Variants in RGS9 observed in about 807,000 individuals in gnomAD.
RGS9 encodes the protein regulator of G protein signaling 9.
RGS9 carries 78 observed loss-of-function variants against 102.0 expected under a neutral mutation model. The observed-to-expected ratio is 0.76, with a 90% CI of 0.64 to 0.92. The LOEUF (loss-of-function observed/expected upper bound fraction) is 0.92, where lower values mean the gene tolerates loss of function less well. Among genes scored for constraint, RGS9 ranks in the 40% least tolerant of loss-of-function variants. RGS9 has a pLI of 0.00. For missense variants in RGS9, 833 were observed against 866.1 expected (o/e 0.96, Z 0.48); for synonymous variants, 353 against 318.6 (o/e 1.11, Z -1.15).
intron 2 of RGS9, 59 bp downstream of exon 2, chr17:65,153,577 C>T (rs936678421): frequency 7.5e-7 from 1 of 1,331,800 alleles, no homozygotes; most frequent in South Asian, 1.2e-5. Flanking sequence ...CCAATACGGC[C>T]CACCTCCTGT....
At position 65,145,566 on chromosome 17, in the gene RGS9, A is replaced by ATTTT. The variant is rs1567858058; in HGVS notation, c.58-7855_58-7854insTTTT. The stretch of plus-strand genomic sequence containing the variant: ...CTCCTGGCTATTTTTTTTTTTTTTA[A>ATTTT]TATATTTTTAATAGAGATGAGGTTT... On this transcript the variant is annotated intron_variant, in intron 1 of 18. Transcript: ENST00000262406. 2.7e-3 allele frequency among the ~76,000 whole-genome samples: 325 copies of ATTTT among 118,308 alleles called. 4 individuals are homozygous for ATTTT. Among genetic ancestry groups the ATTTT allele is most frequent in the African/African-American group, 0.018 (304 of 16,976 alleles). The allele number at this position is 118,308 out of a possible 152,430, so 77.6% of individuals were successfully genotyped here. A position where few individuals can be genotyped will look rare whatever the true frequency, so the allele number is the denominator to read the frequency against.
intron 9 of RGS9, among the ~76,000 whole-genome samples, chr17:65,181,267 C>T (rs1201212975): frequency 6.6e-6 from 1 of 152,204 alleles, no homozygotes. Flanking sequence ...CCACCAGAAG[C>T]ATATAAGCTT....
At chr17:65,142,676 G>A (rs1345796265) in intron 1 of RGS9, among the ~76,000 whole-genome samples, 1 of 150,454 alleles carries the variant, frequency 6.6e-6, no homozygotes, top group Non-Finnish European at 1.5e-5. Context: ...TCTGCCTCCC[G>A]GGTTCAAGTG....
intron 18 of RGS9, 47 bp downstream of exon 18, chr17:65,225,533 G>A (rs770751340): frequency 1.2e-4 from 186 of 1,598,786 alleles, no homozygotes; most frequent in Non-Finnish European, 1.5e-4. Context: ...GGCTGTGGGT[G>A]TGCAGGCCTC....
At chr17:65,215,474 C>CTTTCTTTT (rs1378047430) in intron 17 of RGS9, among the ~76,000 whole-genome samples, 109 of 137,058 alleles carry the variant, frequency 8.0e-4, no homozygotes, top group East Asian at 3.4e-3. Context: ...TTCTTTCTTT[C>CTTTCTTTT]TCTATCTTTC....
At chr17:65,180,945 C>G (rs952293168) in intron 9 of RGS9, among the ~76,000 whole-genome samples, 1 of 152,200 alleles carries the variant, frequency 6.6e-6, no homozygotes, top group African/African-American at 2.4e-5. Flanking sequence ...ACAATGATCT[C>G]TAGCTCCATC....
Position 65,163,080 on chromosome 17 carries a change from A to G in RGS9, c.491A>G (p.Glu164Gly). Residue 164 changes from glutamate (E) to glycine (G), a missense_variant, in exon 7 of 19, where the codon GAG becomes GGG. Coordinates refer to ENST00000262406, the MANE Select transcript of RGS9 (RefSeq NM_003835.4). The stretch of plus-strand genomic sequence containing the variant: ...GACTTTGTCATTATGCAGGCCAAAG[A>G]GCAGTACAGGTGAGTGAAAGGAGAC... ...KWDFVIMQAKEQYRAGKERNK... is the reference protein window; with the variant it reads ...KWDFVIMQAKGQYRAGKERNK... 1 of 1,593,602 alleles carries G rather than the reference A, an allele frequency of 6.3e-7. No individual in the cohort carries two copies. Among genetic ancestry groups the G allele is most frequent in the Non-Finnish European group, 8.6e-7 (1 of 1,163,348 alleles).
chr17:65,185,976 C>A (rs971856957), intron 9 of RGS9, among the ~76,000 whole-genome samples: 1 of 152,072 alleles, frequency 6.6e-6, no homozygotes, highest in East Asian at 1.9e-4. Flanking sequence ...ATGTTCTGGC[C>A]GCAGAACAGT....
chr17:65,208,916 G>A (rs1211412626), intron 16 of RGS9, among the ~76,000 whole-genome samples: 1 of 152,198 alleles, frequency 6.6e-6, no homozygotes, highest in Non-Finnish European at 1.5e-5. Flanking sequence ...ATGAAAAGGA[G>A]AGAAAGAAGG....
intron 11 of RGS9, among the ~76,000 whole-genome samples, chr17:65,191,310 G>C (rs1241048150): frequency 1.3e-5 from 2 of 151,984 alleles, no homozygotes; most frequent in Non-Finnish European, 2.9e-5. Flanking sequence ...ATTTTTATTT[G>C]TCTCAGGACC....
intron 7 of RGS9, among the ~76,000 whole-genome samples, chr17:65,167,568 A>G (rs1035755244): frequency 6.6e-6 from 1 of 152,184 alleles, no homozygotes; most frequent in Non-Finnish European, 1.5e-5. Flanking sequence ...AACTCTTTGC[A>G]GTGCCAGAGT....
At chr17:65,170,345 G>T (rs1400771527) in intron 8 of RGS9, among the ~76,000 whole-genome samples, 5 of 152,092 alleles carry the variant, frequency 3.3e-5, no homozygotes, top group East Asian at 1.9e-4. Flanking sequence ...GAGCCACCGC[G>T]CCTGGCCGCC....
At chr17:65,177,223 C>A (rs1323522906) in intron 8 of RGS9, among the ~76,000 whole-genome samples, 1 of 150,788 alleles carries the variant, frequency 6.6e-6, no homozygotes, top group Admixed American at 6.6e-5. Context: ...CCACCTACCA[C>A]CCATTTACCT....
chr17:65,170,857 C>T (rs766172285), intron 8 of RGS9, among the ~76,000 whole-genome samples: 4 of 152,100 alleles, frequency 2.6e-5, no homozygotes, highest in African/African-American at 9.7e-5. Context: ...TGCAGTGGCC[C>T]CACTCTCTGT....
At chr17:65,208,278 T>G (rs989091279) in intron 16 of RGS9, among the ~76,000 whole-genome samples, 1 of 152,206 alleles carries the variant, frequency 6.6e-6, no homozygotes, top group Non-Finnish European at 1.5e-5. Context: ...TAATTACCCT[T>G]ATCACAAATG....
At chr17:65,191,081 C>T (rs1422150747) in intron 11 of RGS9, among the ~76,000 whole-genome samples, 1 of 152,164 alleles carries the variant, frequency 6.6e-6, no homozygotes, top group Admixed American at 6.5e-5. Flanking sequence ...TGCCCTGACC[C>T]CACACACATT....
intron 9 of RGS9, chr17:65,188,999 C>T (rs11658673): frequency 0.21 from 104,578 of 499,004 alleles, 15,808 homozygotes; most frequent in African/African-American, 0.59. Flanking sequence ...CTATGCTAAA[C>T]TGACACCAGT....
At position 65,225,362 on chromosome 17, in the gene RGS9, T is replaced by A; in HGVS notation, c.1768T>A (p.Cys590Ser). The A allele has an allele frequency of 6.2e-7, 1 of 1,611,962 alleles. No individual in the cohort carries two copies. Among genetic ancestry groups the A allele is most frequent in the Non-Finnish European group, 8.5e-7 (1 of 1,180,024 alleles). Residue 590 changes from cysteine (C) to serine (S), a missense_variant, in exon 18 of 19, where the codon TGT becomes AGT. Cys to Ser is a moderately radical substitution (Grantham distance 112). Transcript: ENST00000262406. ...LSFSRFLRRG[C>S]LASPVFARLS... ...CTTCAGCAGGTTTCTGAGACGAGGCTGTCTGGCCTCACCTGTCTTTGCCAG... is the reference window on the plus strand; with the variant it reads ...CTTCAGCAGGTTTCTGAGACGAGGCAGTCTGGCCTCACCTGTCTTTGCCAG...
intron 17 of RGS9, among the ~76,000 whole-genome samples, chr17:65,216,965 T>A (rs1913544513): frequency 6.6e-6 from 1 of 152,096 alleles, no homozygotes; most frequent in African/African-American, 2.4e-5. Flanking sequence ...GGATGGAACT[T>A]GAGGGCCAGA....
Sources: allele counts gnomAD v4.1 joint callset (sites outside exome capture counted in the v4.1 genomes callset), GRCh38; gene constraint gnomAD v4.1.1; transcripts MANE v1.5; gene names NCBI Gene and HGNC (gene_info 2026-07-23, HGNC 2026-07-21).